Variants in NRBF2 observed in about 807,000 individuals in gnomAD.
NRBF2 encodes the protein nuclear receptor-binding factor 2.
In NRBF2, 12 loss-of-function variants were observed where a neutral mutation model predicts 28.5. The observed-to-expected ratio is 0.42, with a 90% CI of 0.27 to 0.68. The LOEUF (loss-of-function observed/expected upper bound fraction) is 0.68. Ranked by LOEUF, NRBF2 falls within the 30% of genes least tolerant of loss-of-function variation. NRBF2 has a pLI of 0.24. For missense variants in NRBF2, 274 were observed against 333.5 expected (o/e 0.82, Z 1.39); for synonymous variants, 102 against 116.5 (o/e 0.88, Z 0.80).
intron 1 of NRBF2, among the ~76,000 whole-genome samples, chr10:63,140,320 G>A (rs1285554584): frequency 6.6e-6 from 1 of 152,196 alleles, no homozygotes; most frequent in Non-Finnish European, 1.5e-5. Context: ...AATGTGGGAA[G>A]TCCCACAGAA....
chr10:63,142,307 T>G (rs1203957235), intron 1 of NRBF2, among the ~76,000 whole-genome samples: 1 of 149,560 alleles, frequency 6.7e-6, no homozygotes. Flanking sequence ...TTTTTGTTTT[T>G]TTTGTTTTTT....
intron 1 of NRBF2, among the ~76,000 whole-genome samples, chr10:63,140,460 C>T (rs1841445483): frequency 6.6e-6 from 1 of 152,148 alleles, no homozygotes; most frequent in African/African-American, 2.4e-5. Flanking sequence ...CTCTGTCCCA[C>T]AGACTAGAGT....
chr10:63,147,514 A>T (rs1245452958), intron 2 of NRBF2, among the ~76,000 whole-genome samples: 2 of 150,766 alleles, frequency 1.3e-5, no homozygotes, highest in Non-Finnish European at 2.9e-5. Context: ...GGGTTTCTCC[A>T]TGTTGGCCAG....
chr10:63,140,690 G>A (rs760617361), intron 1 of NRBF2, among the ~76,000 whole-genome samples: 16 of 150,284 alleles, frequency 1.1e-4, no homozygotes, highest in Admixed American at 2.7e-4. Context: ...ATGAACCTCC[G>A]TGCCCAGCCT....
In NRBF2 at chr10:63,153,403, A is replaced by C. The variant is rs1841679015; in HGVS notation, c.157-108A>C. 5 of 824,744 alleles carry C rather than the reference A, an allele frequency of 6.1e-6. No homozygotes were observed. In the South Asian group the frequency reaches 6.2e-5, roughly 10 times the overall value. The allele number at this position is 824,744 out of a possible 1,614,324, so 51.1% of individuals were successfully genotyped here. On this transcript the variant is annotated intron_variant, in intron 3 of 3. Coordinates refer to ENST00000277746, the MANE Select transcript of NRBF2 (RefSeq NM_030759.5). ...TATTTTTGCAAACATAGTAAATTGTAAATTGTAAGTGTTGGGTTATTCACA... is the reference window on the plus strand; with the variant it reads ...TATTTTTGCAAACATAGTAAATTGTCAATTGTAAGTGTTGGGTTATTCACA...
chr10:63,150,991 T>G (rs912737365), intron 2 of NRBF2, among the ~76,000 whole-genome samples: 1 of 152,198 alleles, frequency 6.6e-6, no homozygotes, highest in African/African-American at 2.4e-5. Flanking sequence ...CAGATGAAAC[T>G]TCACTGGCTT....
At chr10:63,149,060 T>C (rs958163017) in intron 2 of NRBF2, among the ~76,000 whole-genome samples, 1 of 152,222 alleles carries the variant, frequency 6.6e-6, no homozygotes, top group African/African-American at 2.4e-5. Flanking sequence ...TGCTGCACTT[T>C]GTATGCGTTG....
intron 1 of NRBF2, among the ~76,000 whole-genome samples, chr10:63,138,837 T>A (rs145088081): frequency 5.5e-4 from 83 of 152,254 alleles, no homozygotes; most frequent in African/African-American, 1.9e-3. Flanking sequence ...ATTCAGTGCT[T>A]ATTGATTTGA....
chr10:63,133,635 G>C, intron 1 of NRBF2, 135 bp downstream of exon 1: 2 of 703,840 alleles, frequency 2.8e-6, no homozygotes, highest in South Asian at 1.6e-5. Context: ...GCTGTGAGGG[G>C]CTGCTAGGCA....
At chr10:63,150,419 T>TA in intron 2 of NRBF2, 1 of 886,254 alleles carries the variant, frequency 1.1e-6, no homozygotes, top group Non-Finnish European at 1.4e-6. Flanking sequence ...TTTTTTTTTT[T>TA]AAATTCTTTT....
rs1433660879 is a variant in NRBF2, at chr10:63,153,512, C to G, written c.158C>G (p.Ala53Gly). The G allele has an allele frequency of 6.2e-7, 1 of 1,601,074 alleles. No individual in the cohort carries two copies. The highest frequency in any genetic ancestry group is 8.5e-7 in the Non-Finnish European group (1 of 1,173,818). The change falls in exon 4 of 4, where the codon GCT becomes GGT. Residue 53 changes from alanine to glycine, a missense_variant and splice_region_variant. Coordinates refer to ENST00000277746, the MANE Select transcript of NRBF2 (RefSeq NM_030759.5). ...TTTATCTTTCCTTCTATGTAATAGG[C>G]TCATCTTTCACTGGAATTGCAAAGG... ...EAMKLTQSEQ[A>G]HLSLELQRDS... is the part of the protein sequence containing the mutation.
At chr10:63,136,570 T>G (rs754419196) in intron 1 of NRBF2, among the ~76,000 whole-genome samples, 1 of 152,218 alleles carries the variant, frequency 6.6e-6, no homozygotes, top group Admixed American at 6.5e-5. Flanking sequence ...CTTAGTAAGG[T>G]GTGTTTTCCA....
intron 2 of NRBF2, among the ~76,000 whole-genome samples, chr10:63,150,644 G>A (rs1489583186): frequency 6.6e-6 from 1 of 152,090 alleles, no homozygotes; most frequent in Non-Finnish European, 1.5e-5. Flanking sequence ...CTGGGGTCAG[G>A]AAAATGGTTT....
rs1438407235 is a variant in NRBF2 at position 63,154,319 on chromosome 10, G to A, written c.*101G>A. 9 of 786,778 alleles carry A rather than the reference G, an allele frequency of 1.1e-5. No homozygotes were observed. The highest frequency in any genetic ancestry group is 2.4e-4 in the Middle Eastern group (1 of 4,250). 48.7% of individuals were successfully genotyped at this position (786,778 alleles called of 1,614,324 possible). On this transcript the variant is annotated 3_prime_UTR_variant, in exon 4 of 4. Coordinates refer to ENST00000277746, the MANE Select transcript of NRBF2 (RefSeq NM_030759.5). ...GAAAACCACATAGAAGGGTAATCCCGGAAATGCTTCATCTGGTGGACTGTG... is the reference window on the plus strand; with the variant it reads ...GAAAACCACATAGAAGGGTAATCCCAGAAATGCTTCATCTGGTGGACTGTG...
chr10:63,151,705 G>A (rs1184430517), intron 2 of NRBF2, among the ~76,000 whole-genome samples: 1 of 152,154 alleles, frequency 6.6e-6, no homozygotes, highest in Admixed American at 6.5e-5. Context: ...TAAGGCTGAT[G>A]GTTTAACTCA....
intron 1 of NRBF2, among the ~76,000 whole-genome samples, chr10:63,142,548 C>T (rs762663904): frequency 1.3e-5 from 2 of 151,966 alleles, no homozygotes; most frequent in African/African-American, 4.8e-5. Flanking sequence ...TTTAATACCA[C>T]TTGCTTTAAT....
chr10:63,143,954 C>T (rs935296114), intron 1 of NRBF2, among the ~76,000 whole-genome samples: 1 of 151,862 alleles, frequency 6.6e-6, no homozygotes, highest in Non-Finnish European at 1.5e-5. Flanking sequence ...GATGGGTTTT[C>T]ACCATATTGC....
intron 2 of NRBF2, among the ~76,000 whole-genome samples, chr10:63,151,566 C>T (rs1841649939): frequency 6.6e-6 from 1 of 152,094 alleles, no homozygotes; most frequent in African/African-American, 2.4e-5. Context: ...TATTAAAATT[C>T]AAACAAATAG....
intron 1 of NRBF2, among the ~76,000 whole-genome samples, chr10:63,138,762 T>C (rs1188019425): frequency 6.6e-6 from 1 of 151,812 alleles, no homozygotes; most frequent in Non-Finnish European, 1.5e-5. Flanking sequence ...AAAAAAAGTC[T>C]TTCCTGGAAT....
Sources: gnomAD v4.1 joint callset for allele counts (sites outside exome capture counted in the v4.1 genomes callset) on GRCh38, gnomAD v4.1.1 for gene constraint, MANE v1.5 for transcripts, NCBI Gene and HGNC (gene_info 2026-07-23, HGNC 2026-07-21) for gene names.